CSMD1: variants seen among roughly 807,000 people sequenced by gnomAD.
The protein encoded by CSMD1 is CUB and Sushi multiple domains 1, also known as CUB and sushi domain-containing protein 1.
CSMD1 carries 213 observed loss-of-function variants against 417.5 expected under a neutral mutation model. The observed-to-expected ratio is 0.51, with a 90% CI of 0.46 to 0.57. The LOEUF (loss-of-function observed/expected upper bound fraction) is 0.57. Among genes scored for constraint, CSMD1 ranks in the 20% least tolerant of loss-of-function variants. The pLI is 0.00. For synonymous variants in CSMD1, 2,862 were observed against 1,736.8 expected, an observed-to-expected ratio of 1.65 and a Z score of -16.11; for missense variants, 6,923 against 4,529.7, an observed-to-expected ratio of 1.53 and a Z score of -15.17.
chr8:3,324,816 G>A (rs574910969), intron 23 of CSMD1, among the ~76,000 whole-genome samples: 1 of 152,222 alleles, frequency 6.6e-6, no homozygotes, highest in East Asian at 1.9e-4. Context: ...ACTATTGAAT[G>A]GTGCTAATTG....
rs528724828 is a variant in CSMD1, at chr8:3,956,232, G to A, written c.818+41671C>T. ...GATAGCATATAATGTGCCAGGTGGT[G>A]TTGTTAACTTTTTCACAAATTAATA... On this transcript the variant is annotated intron_variant, in intron 5 of 69. Transcript: ENST00000635120. 2.3e-4 allele frequency among the ~76,000 whole-genome samples: 34 copies of A among 148,062 alleles called. No individual in the cohort carries two copies. The South Asian group carries it at 4.3e-3, about 19-fold the overall frequency.
At chr8:3,669,680 T>C (rs1798888919) in intron 7 of CSMD1, among the ~76,000 whole-genome samples, 1 of 152,050 alleles carries the variant, frequency 6.6e-6, no homozygotes, top group East Asian at 1.9e-4. Flanking sequence ...CAGCACCTAT[T>C]CTGTGTGAGG....
intron 10 of CSMD1, among the ~76,000 whole-genome samples, chr8:3,496,659 C>G (rs1013006338): frequency 6.6e-6 from 1 of 152,034 alleles, no homozygotes; most frequent in Non-Finnish European, 1.5e-5. Flanking sequence ...AACCCTGTCT[C>G]CACTAAAAAT....
chr8:4,725,368 A>T (rs1349452926), intron 1 of CSMD1, among the ~76,000 whole-genome samples: 1 of 152,320 alleles, frequency 6.6e-6, no homozygotes, highest in East Asian at 1.9e-4. Context: ...TAATTACATA[A>T]TAGTAATGTT....
intron 5 of CSMD1, among the ~76,000 whole-genome samples, chr8:3,840,287 C>G (rs1322783825): frequency 3.3e-5 from 5 of 152,112 alleles, no homozygotes; most frequent in African/African-American, 1.2e-4. Flanking sequence ...AATGGCAAAG[C>G]TCACGCAGGA....
chr8:3,230,294 T>C (rs1585724801), intron 26 of CSMD1, 63 bp from the exon 27 acceptor site: 2 of 1,356,310 alleles, frequency 1.5e-6, no homozygotes, highest in East Asian at 2.5e-5. Flanking sequence ...TTCTTGTCGG[T>C]GTGGTTGTTC....
rs1467170128 is a variant in CSMD1, at chr8:3,190,006, G to A, written c.5304C>T (p.Asn1768=). The change falls in exon 34 of 70, where the codon AAC becomes AAT. Residue 1768 remains asparagine, a synonymous_variant. Coordinates refer to ENST00000635120, the MANE Select transcript of CSMD1 (RefSeq NM_033225.6). ...SAGSIVRFEC[N]PGYLLQGSTA... is the part of the protein sequence containing the mutation. ...TGGAACCCTGAAGCAGGTATCCCGG[G>A]TTGCACTCGAATCGGACGATGGAGC... is the stretch of plus-strand genomic sequence containing the variant. 1.9e-6 allele frequency: 3 copies of A among 1,598,812 alleles called. No homozygotes were observed. Among genetic ancestry groups the A allele is most frequent in the Non-Finnish European group, 2.6e-6 (3 of 1,172,926 alleles).
At chr8:3,863,156 G>C (rs1389814370) in intron 5 of CSMD1, among the ~76,000 whole-genome samples, 1 of 152,112 alleles carries the variant, frequency 6.6e-6, no homozygotes, top group Non-Finnish European at 1.5e-5. Context: ...CCAGCATTTT[G>C]GGAGGCCAAG....
chr8:4,840,018 C>A (rs1301088426), intron 1 of CSMD1, among the ~76,000 whole-genome samples: 1 of 152,124 alleles, frequency 6.6e-6, no homozygotes, highest in Non-Finnish European at 1.5e-5. Context: ...GTCCTGCATG[C>A]ACAAAAGCCT....
At chr8:3,424,991 C>T (rs2116993715) in intron 12 of CSMD1, among the ~76,000 whole-genome samples, 1 of 152,240 alleles carries the variant, frequency 6.6e-6, no homozygotes, top group South Asian at 2.1e-4. Context: ...CATGCCACCA[C>T]ACCCAGATAA....
At chr8:4,245,141 G>C (rs1337115102) in intron 3 of CSMD1, among the ~76,000 whole-genome samples, 1 of 152,178 alleles carries the variant, frequency 6.6e-6, no homozygotes, top group Admixed American at 6.5e-5. Context: ...ATGTTCCATG[G>C]AAATGCCTGG....
chr8:3,229,851 C>T (rs1251014013), intron 27 of CSMD1, among the ~76,000 whole-genome samples, 189 bp downstream of exon 27: 1 of 152,098 alleles, frequency 6.6e-6, no homozygotes, highest in Non-Finnish European at 1.5e-5. Context: ...GGGATGACTT[C>T]CTTTATTCTA....
intron 23 of CSMD1, among the ~76,000 whole-genome samples, chr8:3,323,612 G>A (rs1806295414): frequency 6.6e-6 from 1 of 152,180 alleles, no homozygotes; most frequent in South Asian, 2.1e-4. Flanking sequence ...TAGCATTTCA[G>A]TACTAAGAGT....
At chr8:3,695,741 C>T (rs1800517702) in intron 7 of CSMD1, among the ~76,000 whole-genome samples, 1 of 152,134 alleles carries the variant, frequency 6.6e-6, no homozygotes, top group Non-Finnish European at 1.5e-5. Flanking sequence ...AGGATGACAG[C>T]TAAACCCTAG....
intron 11 of CSMD1, among the ~76,000 whole-genome samples, chr8:3,490,541 T>A (rs1818313257): frequency 6.6e-6 from 1 of 152,202 alleles, no homozygotes; most frequent in South Asian, 2.1e-4. Flanking sequence ...GTGGGTTACA[T>A]TTTTCAGCTC....
At chr8:4,433,632 A>T (rs1340839413) in intron 2 of CSMD1, among the ~76,000 whole-genome samples, 1 of 152,200 alleles carries the variant, frequency 6.6e-6, no homozygotes, top group Non-Finnish European at 1.5e-5. Context: ...AGTTTTCTTT[A>T]TGCTCAAATC....
chr8:3,802,591 G>C (rs1483668096), intron 5 of CSMD1, among the ~76,000 whole-genome samples: 1 of 152,104 alleles, frequency 6.6e-6, no homozygotes, highest in Non-Finnish European at 1.5e-5. Context: ...CTTATTGCAG[G>C]ATGTAATTCA....
chr8:4,717,773 C>G (rs1808781075), intron 1 of CSMD1, among the ~76,000 whole-genome samples: 1 of 152,076 alleles, frequency 6.6e-6, no homozygotes, highest in Non-Finnish European at 1.5e-5. Context: ...GTCAGATTGT[C>G]AATAAAAGCA....
At chr8:3,958,315 TCTCTC>T (rs771549713) in intron 5 of CSMD1, among the ~76,000 whole-genome samples, 6 of 51,638 alleles carry the variant, frequency 1.2e-4, no homozygotes, top group African/African-American at 4.5e-4. Flanking sequence ...TTTTTTAAAC[TCTCTC>T]TTTTTTTTTT....
Sources: allele counts gnomAD v4.1 joint callset (sites outside exome capture counted in the v4.1 genomes callset), GRCh38; gene constraint gnomAD v4.1.1; transcripts MANE v1.5; gene names NCBI Gene and HGNC (gene_info 2026-07-23, HGNC 2026-07-21).